Variants in KMT2C observed in about 807,000 individuals in gnomAD.
KMT2C encodes lysine methyltransferase 2C.
A neutral mutation model predicts 507.9 loss-of-function variants in KMT2C; 88 were observed. That is an observed-to-expected ratio of 0.17 (90% CI 0.15 to 0.21). The LOEUF (loss-of-function observed/expected upper bound fraction) is 0.21, where lower values mean the gene tolerates loss of function less well. Among genes scored for constraint, KMT2C ranks in the 10% least tolerant of loss-of-function variants. The pLI, the probability that KMT2C is intolerant of heterozygous loss-of-function variation, is 1.00. For synonymous variants in KMT2C, 2,049 were observed against 2,080.8 expected (o/e 0.98, Z 0.42); for missense variants, 4,954 against 5,957.8 (o/e 0.83, Z 5.55).
At chr7:152,309,827 T>G (rs1313297484) in intron 6 of KMT2C, 139 bp downstream of exon 6, 4 of 606,036 alleles carry the variant, frequency 6.6e-6, no homozygotes, top group Middle Eastern at 7.5e-4. Context: ...GGCCTAGAAT[T>G]TCTCTTAATA....
At chr7:152,340,423 T>C (rs991590312) in intron 2 of KMT2C, among the ~76,000 whole-genome samples, 2 of 152,158 alleles carry the variant, frequency 1.3e-5, no homozygotes, top group African/African-American at 4.8e-5. Flanking sequence ...GTCCCTCCCT[T>C]CTTTTGAAAG....
At chr7:152,310,142 G>T in intron 5 of KMT2C, 67 bp from the exon 6 acceptor site, 1 of 1,038,026 alleles carries the variant, frequency 9.6e-7, no homozygotes. Context: ...AATAAATAAA[G>T]ACATAAAACT....
intron 3 of KMT2C, among the ~76,000 whole-genome samples, chr7:152,329,464 G>C (rs1343469197): frequency 6.6e-6 from 1 of 152,054 alleles, no homozygotes; most frequent in Non-Finnish European, 1.5e-5. Context: ...CAGCCACCTG[G>C]GAGGCTAAGG....
At chr7:152,224,300 T>C in intron 19 of KMT2C, 121 bp from the exon 20 acceptor site, 1 of 1,303,716 alleles carries the variant, frequency 7.7e-7, no homozygotes, top group Non-Finnish European at 1.1e-6. Context: ...TGTGAAAATT[T>C]TTCTGATTAC....
chr7:152,252,464 A>G lies in KMT2C; in HGVS notation c.1469+82T>C. 2.7e-6 allele frequency: 3 copies of G among 1,107,512 alleles called. No homozygotes were observed. The South Asian group carries it at 4.3e-5, about 16-fold the overall frequency. 68.6% of individuals were successfully genotyped at this position (1,107,512 alleles called of 1,614,324 possible). A position where few individuals can be genotyped will look rare whatever the true frequency, so the allele number is the denominator to read the frequency against. On this transcript the variant is annotated intron_variant, in intron 10 of 58. Transcript: ENST00000262189. ...GGAATTGCTAGAGTGATAAAAACTTAGAAGCTGTAAGATGGTAGAGCAAAT... is the reference window on the plus strand; with the variant it reads ...GGAATTGCTAGAGTGATAAAAACTTGGAAGCTGTAAGATGGTAGAGCAAAT...
Position 152,249,919 on chromosome 7 carries a change from A to G in KMT2C, c.1770T>C (p.Ser590=). 1 of 1,610,710 alleles carries G rather than the reference A, an allele frequency of 6.2e-7. No individual in the cohort carries two copies. Among genetic ancestry groups the G allele is most frequent in the Non-Finnish European group, 8.5e-7 (1 of 1,177,342 alleles). ...CTGTGTCAAGACTTTCTGAGGGATG[A>G]CTCTTCTGTTGCTCTTCAGTGTGGA... ...VQVHTEEQQK[S]HPSESLDTDS... The change falls in exon 13 of 59, where the codon AGT becomes AGC. Residue 590 remains serine (S), a synonymous_variant. Coordinates refer to ENST00000262189, the MANE Select transcript of KMT2C (RefSeq NM_170606.3).
chr7:152,147,957 A>G, intron 52 of KMT2C, 76 bp downstream of exon 52: 1 of 1,443,570 alleles, frequency 6.9e-7, no homozygotes, highest in Non-Finnish European at 9.2e-7. Flanking sequence ...ACAAACATGG[A>G]AAATTGACAA....
At chr7:152,353,393 T>C (rs2097129036) in intron 2 of KMT2C, among the ~76,000 whole-genome samples, 1 of 152,194 alleles carries the variant, frequency 6.6e-6, no homozygotes, top group Admixed American at 6.5e-5. Context: ...TGAAATTTTC[T>C]TAACATAAAA....
intron 1 of KMT2C, among the ~76,000 whole-genome samples, chr7:152,407,809 A>G (rs1381224470): frequency 6.6e-6 from 1 of 152,304 alleles, no homozygotes; most frequent in Non-Finnish European, 1.5e-5. Flanking sequence ...AAACAACTAT[A>G]CAACTTGAGC....
At chr7:152,424,513 C>T (rs1217861382) in intron 1 of KMT2C, among the ~76,000 whole-genome samples, 2 of 152,152 alleles carry the variant, frequency 1.3e-5, no homozygotes, top group Non-Finnish European at 1.5e-5. Flanking sequence ...GCCTCACCCT[C>T]CTGGGCTTGA....
At chr7:152,385,790 A>G (rs2097420961) in intron 1 of KMT2C, among the ~76,000 whole-genome samples, 1 of 151,808 alleles carries the variant, frequency 6.6e-6, no homozygotes, top group Non-Finnish European at 1.5e-5. Flanking sequence ...TATAAACGAT[A>G]TCACATTATG....
chr7:152,136,874 C>A lies in KMT2C; in HGVS notation c.14694G>T (p.Pro4898=), dbSNP rs146009167. 1 of 1,613,630 alleles carries A rather than the reference C, an allele frequency of 6.2e-7. No homozygotes were observed. The highest frequency in any genetic ancestry group is 1.1e-5 in the South Asian group (1 of 91,080). ...GGCAGTTCACAGCTCCACAGTGACA[C>A]GGAATCTTGTGCTGGTCATCTTCAA... ...FDFEDDQHKI[P]CHCGAVNCRK... Residue 4898 remains proline (P), a synonymous_variant, in exon 59 of 59, where the codon CCG becomes CCT. Coordinates refer to ENST00000262189, the MANE Select transcript of KMT2C (RefSeq NM_170606.3).
At chr7:152,368,739 C>T in intron 1 of KMT2C, 1 of 971,096 alleles carries the variant, frequency 1.0e-6, no homozygotes, top group Non-Finnish European at 1.6e-6. Context: ...ATCCGTTTGA[C>T]CAATATGCAC....
intron 1 of KMT2C, among the ~76,000 whole-genome samples, chr7:152,374,331 T>C (rs1381329692): frequency 1.3e-5 from 2 of 151,178 alleles, no homozygotes; most frequent in Non-Finnish European, 2.9e-5. Context: ...ATAGTAATAA[T>C]AATAATAATA....
intron 1 of KMT2C, among the ~76,000 whole-genome samples, chr7:152,434,954 G>A (rs2097902555): frequency 6.6e-6 from 1 of 152,144 alleles, no homozygotes; most frequent in Admixed American, 6.5e-5. Context: ...GCCGTTCCCC[G>A]AAGCTGGGGG....
chr7:152,148,072 C>T lies in KMT2C; in HGVS notation c.13855G>A (p.Gly4619Ser). The T allele has an allele frequency of 6.2e-7, 1 of 1,603,038 alleles. No individual in the cohort carries two copies. The highest frequency in any genetic ancestry group is 8.5e-7 in the Non-Finnish European group (1 of 1,171,750). Residue 4619 changes from glycine to serine, a missense_variant, in exon 52 of 59, where the codon GGC becomes AGC. This residue lies in a region of KMT2C where 221 missense variants were observed against 304.7 expected (regional missense o/e 0.73). Coordinates refer to ENST00000262189, the MANE Select transcript of KMT2C (RefSeq NM_170606.3). The surrounding 1 kb of genome is among the most constrained non-coding windows in gnomAD (Gnocchi z 7.1). ...TCACTTAGAACCAGGTCTTCATGGC[C>T]TTGTTCCACAATCCTGATGACAAAC... is the stretch of plus-strand genomic sequence containing the variant. ...PVFVIRIVEQ[G>S]HEDLVLSDIS...
At chr7:152,371,697 C>T (rs6978146) in intron 1 of KMT2C, among the ~76,000 whole-genome samples, 16,378 of 151,552 alleles carry the variant, frequency 0.11, 2,129 homozygotes, top group African/African-American at 0.31. Flanking sequence ...CACTGGAAAC[C>T]CCACCTCCCA....
chr7:152,341,525 C>A (rs1476303766), intron 2 of KMT2C, among the ~76,000 whole-genome samples: 1 of 152,154 alleles, frequency 6.6e-6, no homozygotes, highest in Non-Finnish European at 1.5e-5. Flanking sequence ...ATGATTTCCA[C>A]CCACAATTCA....
chr7:152,214,970 T>A (rs557992476), intron 23 of KMT2C, among the ~76,000 whole-genome samples: 1 of 151,490 alleles, frequency 6.6e-6, no homozygotes, highest in African/African-American at 2.4e-5. Flanking sequence ...ACACAGAGAG[T>A]AACTATGGAA....
Sources: allele counts gnomAD v4.1 joint callset (sites outside exome capture counted in the v4.1 genomes callset), GRCh38; gene constraint gnomAD v4.1.1; regional missense constraint gnomAD v4.1.1; non-coding constraint Gnocchi (gnomAD v3.1); transcripts MANE v1.5; gene names NCBI Gene and HGNC (gene_info 2026-07-23, HGNC 2026-07-21).